Variants in MED12L observed in about 807,000 individuals in gnomAD.
MED12L encodes the protein mediator complex subunit 12L, also known as mediator of RNA polymerase II transcription subunit 12-like protein.
MED12L carries 60 observed loss-of-function variants against 281.3 expected under a neutral mutation model. That is an observed-to-expected ratio of 0.21 (90% confidence interval 0.17 to 0.26). The LOEUF (loss-of-function observed/expected upper bound fraction) is 0.26. Ranked by LOEUF, MED12L falls within the 10% of genes least tolerant of loss-of-function variation. The pLI, the probability that MED12L is intolerant of heterozygous loss-of-function variation, is 1.00. For missense variants in MED12L, 2,146 were observed against 2,680.9 expected, an observed-to-expected ratio of 0.80 and a Z score of 4.41; for synonymous variants, 974 against 987.2, an observed-to-expected ratio of 0.99 and a Z score of 0.25.
chr3:151,179,633 C>G (rs1722478984), intron 11 of MED12L, among the ~76,000 whole-genome samples: 1 of 152,180 alleles, frequency 6.6e-6, no homozygotes, highest in South Asian at 2.1e-4. Flanking sequence ...GTGAGAGACA[C>G]TGTCTGAGGG....
At chr3:151,169,094 T>C (rs1406178638) in intron 11 of MED12L, among the ~76,000 whole-genome samples, 1 of 151,138 alleles carries the variant, frequency 6.6e-6, no homozygotes, top group Non-Finnish European at 1.5e-5. Context: ...GGTTACTGTT[T>C]TCTTTTTCTT....
At chr3:151,288,430 C>T (rs562752026) in intron 16 of MED12L, among the ~76,000 whole-genome samples, 2 of 152,168 alleles carry the variant, frequency 1.3e-5, no homozygotes, top group Admixed American at 6.5e-5. Flanking sequence ...TATTTGGAAT[C>T]TTGTCAAGAA....
intron 16 of MED12L, among the ~76,000 whole-genome samples, chr3:151,215,037 T>C (rs1727921201): frequency 6.6e-6 from 1 of 152,180 alleles, no homozygotes; most frequent in African/African-American, 2.4e-5. Flanking sequence ...ATGAAGACAG[T>C]GTCTAACAAA....
intron 16 of MED12L, among the ~76,000 whole-genome samples, chr3:151,207,099 T>G (rs1362224097): frequency 6.7e-6 from 1 of 149,996 alleles, no homozygotes; most frequent in African/African-American, 2.5e-5. Flanking sequence ...CAGGCTGGAG[T>G]GCAGTGGTTA....
intron 23 of MED12L, 104 bp from the exon 24 acceptor site, chr3:151,367,542 G>A (rs1755435276): frequency 9.9e-7 from 1 of 1,010,886 alleles, no homozygotes; most frequent in Non-Finnish European, 1.4e-6. Flanking sequence ...TTCATGTTGG[G>A]ATTTGAGATC....
At chr3:151,112,630 T>A (rs1387243659) in intron 2 of MED12L, among the ~76,000 whole-genome samples, 3 of 152,206 alleles carry the variant, frequency 2.0e-5, no homozygotes, top group Admixed American at 2.0e-4. Flanking sequence ...TTTAAAAATT[T>A]TAGAACGAGA....
At chr3:151,151,407 G>C (rs939473744) in intron 5 of MED12L, among the ~76,000 whole-genome samples, 1 of 152,026 alleles carries the variant, frequency 6.6e-6, no homozygotes. Context: ...TGGCATAAGA[G>C]ACCTTGCTTC....
intron 16 of MED12L, among the ~76,000 whole-genome samples, chr3:151,248,163 G>T (rs1387530362): frequency 9.9e-5 from 15 of 151,874 alleles, no homozygotes; most frequent in Admixed American, 8.5e-4. Flanking sequence ...TTATTTAAAT[G>T]TTTAACGCTC....
Position 151,411,442 on chromosome 3 carries a change from G to C in MED12L, c.6075G>C (p.Gln2025His). Reference protein sequence around the residue: ...VLMERLRQIQQQPSGYVQQQA... With the variant: ...VLMERLRQIQHQPSGYVQQQA... ...TGGAAAGACTCAGACAGATTCAGCAGCAGCCGAGTGGCTATGTTCAGCAGC... is the reference window on the plus strand; with the variant it reads ...TGGAAAGACTCAGACAGATTCAGCACCAGCCGAGTGGCTATGTTCAGCAGC... The change falls in exon 41 of 45, where the codon CAG (glutamine) becomes CAC (histidine). Residue 2025 changes from glutamine to histidine, a missense_variant. By Grantham distance (24) the Gln-to-His change is conservative. Coordinates refer to ENST00000687756, the MANE Select transcript of MED12L (RefSeq NM_001393769.1). 1 of 1,614,202 alleles carries C rather than the reference G, an allele frequency of 6.2e-7. No homozygotes were observed. The highest frequency in any genetic ancestry group is 1.1e-5 in the South Asian group (1 of 91,080).
chr3:151,375,573 A>AT, intron 27 of MED12L, among the ~76,000 whole-genome samples: 1 of 152,200 alleles, frequency 6.6e-6, no homozygotes, highest in East Asian at 1.9e-4. Flanking sequence ...AACATTATTC[A>AT]TAATAGTATC....
At chr3:151,348,323 T>C (rs1577396077) in intron 16 of MED12L, among the ~76,000 whole-genome samples, 1 of 112,328 alleles carries the variant, frequency 8.9e-6, no homozygotes, top group East Asian at 2.4e-4. Flanking sequence ...GGTTCATATG[T>C]ACACAAACCA....
At position 151,376,119 on chromosome 3, in the gene MED12L, C is replaced by T; in HGVS notation, c.3958C>T (p.Gln1320Ter). Reference protein sequence around the residue: ...LDPVLSNMQAQKLLQLICYPH... With the variant: ...LDPVLSNMQA Reference sequence around the variant, plus strand: ...CCCTGTGCTTTCAAATATGCAAGCACAGAAATTACTGCAGCTTATCTGTTA... The same window carrying T: ...CCCTGTGCTTTCAAATATGCAAGCATAGAAATTACTGCAGCTTATCTGTTA... Residue 1320 changes from glutamine to a stop codon, truncating the protein, a stop_gained, in exon 28 of 45, where the codon CAG becomes TAG. Coordinates refer to ENST00000687756, the MANE Select transcript of MED12L (RefSeq NM_001393769.1). LOFTEE classifies it high-confidence loss of function. The T allele has an allele frequency of 6.2e-7, 1 of 1,611,318 alleles. No homozygotes were observed. Among genetic ancestry groups the T allele is most frequent in the Non-Finnish European group, 8.5e-7 (1 of 1,179,052 alleles).
chr3:151,200,667 A>G (rs1280922975), intron 16 of MED12L, among the ~76,000 whole-genome samples: 1 of 152,160 alleles, frequency 6.6e-6, no homozygotes, highest in Non-Finnish European at 1.5e-5. Context: ...TTCTAAATTC[A>G]AGTGCTGCTT....
chr3:151,136,031 T>C (rs1716090472), intron 5 of MED12L, among the ~76,000 whole-genome samples: 1 of 152,236 alleles, frequency 6.6e-6, no homozygotes, highest in East Asian at 1.9e-4. Context: ...GGCACTGCTC[T>C]GTTTACCCCT....
rs146966555 is a variant in MED12L, at chr3:151,221,686, C to T, written c.2250+28020C>T. Among the ~76,000 whole-genome samples the T allele has an allele frequency of 8.9e-3, 1,348 of 152,276 alleles. 15 individuals carry two copies. Among genetic ancestry groups the T allele is most frequent in the South Asian group, 0.015 (74 of 4,830 alleles). ...TCAAGAATTGGGGTTTGGGAACCTC[C>T]GCCTAGATTTCAGAATATGTGTGGA... is the stretch of plus-strand genomic sequence containing the variant. On this transcript the variant is annotated intron_variant, in intron 16 of 44. Coordinates refer to ENST00000687756, the MANE Select transcript of MED12L (RefSeq NM_001393769.1).
intron 43 of MED12L, chr3:151,425,631 A>G (rs2108452102): frequency 2.2e-6 from 1 of 456,484 alleles, no homozygotes; most frequent in South Asian, 1.5e-5. Context: ...AGAAGTGGTT[A>G]TACCATGTTG....
intron 2 of MED12L, among the ~76,000 whole-genome samples, chr3:151,110,940 T>C (rs555923356): frequency 4.5e-4 from 68 of 152,226 alleles, no homozygotes; most frequent in African/African-American, 1.6e-3. Flanking sequence ...GAAACCCCGG[T>C]TTTCTAGAGA....
intron 11 of MED12L, among the ~76,000 whole-genome samples, chr3:151,178,251 T>C (rs1265335087): frequency 1.3e-5 from 2 of 151,876 alleles, no homozygotes; most frequent in East Asian, 1.9e-4. Flanking sequence ...TTTGTAGTGT[T>C]TGGAATGAAG....
Position 151,328,594 on chromosome 3 carries a change from T to A in MED12L, c.2251-21465T>A, listed in dbSNP as rs764264287. ...CCGTTTTTGCAAAAACAGGTTTTTT[T>A]AGAAAAATATTTCTCAAAGGTCTGA... On this transcript the variant is annotated intron_variant, in intron 16 of 44. Coordinates refer to ENST00000687756, the MANE Select transcript of MED12L (RefSeq NM_001393769.1). 3.7e-6 allele frequency: 6 copies of A among 1,613,694 alleles called. No homozygotes were observed. In the Admixed American group the frequency reaches 5.0e-5, roughly 13 times the overall value.
Sources: allele counts gnomAD v4.1 joint callset (sites outside exome capture counted in the v4.1 genomes callset), GRCh38; gene constraint gnomAD v4.1.1; transcripts MANE v1.5; gene names NCBI Gene and HGNC (gene_info 2026-07-23, HGNC 2026-07-21).